PDPN: variants seen among roughly 807,000 people sequenced by gnomAD.
PDPN encodes the protein PA2.26 antigen.
Under a neutral mutation model 23.2 loss-of-function variants are expected in PDPN, and 12 were observed. The observed-to-expected ratio is 0.52, with a 90% confidence interval of 0.33 to 0.84. The LOEUF (loss-of-function observed/expected upper bound fraction) is 0.84, where lower values mean the gene tolerates loss of function less well. Among genes scored for constraint, PDPN ranks in the 40% least tolerant of loss-of-function variants. PDPN has a pLI of 0.02. For synonymous variants in PDPN, 77 were observed against 76.7 expected (o/e 1.00, Z -0.02); for missense variants, 199 against 212.2 (o/e 0.94, Z 0.39).
Position 13,584,026 on chromosome 1 carries a change from C to T in PDPN, c.-8C>T, listed in dbSNP as rs78133275. 8.0e-4 allele frequency: 1,288 copies of T among 1,613,438 alleles called. 12 individuals are homozygous for T. In the African/African-American group the frequency reaches 0.015, roughly 19 times the overall value. The stretch of plus-strand genomic sequence containing the variant: ...GGCCCCCAGGAGAGCAACAACTCAA[C>T]GGGAACGATGTGGAAGGTGTCAGCT... On this transcript the variant is annotated 5_prime_UTR_variant, in exon 1 of 6. In the 5' UTR this introduces an upstream ATG that the reference lacks. Coordinates refer to ENST00000621990, the MANE Select transcript of PDPN (RefSeq NM_006474.5).
chr1:13,594,333 C>T (rs1261032137), intron 1 of PDPN, among the ~76,000 whole-genome samples: 1 of 152,060 alleles, frequency 6.6e-6, no homozygotes, highest in Non-Finnish European at 1.5e-5. Flanking sequence ...GGGGATTTTA[C>T]CTGGGCAATG....
intron 1 of PDPN, among the ~76,000 whole-genome samples, chr1:13,605,748 A>G (rs1640769761): frequency 6.6e-6 from 1 of 151,730 alleles, no homozygotes; most frequent in Non-Finnish European, 1.5e-5. Context: ...TCAGCCTCCC[A>G]AGTAGCTGGG....
intron 5 of PDPN, chr1:13,614,794 TAAG>T (rs878867485): frequency 3.9e-6 from 2 of 512,640 alleles, no homozygotes; most frequent in South Asian, 2.8e-5. Flanking sequence ...CTCTTAAAAA[TAAG>T]AAAGAGCCTC....
Position 13,583,857 on chromosome 1 carries a change from C to T in PDPN, c.-177C>T. 1 of 1,595,558 alleles carries T rather than the reference C, an allele frequency of 6.3e-7. No individual in the cohort carries two copies. Among genetic ancestry groups the T allele is most frequent in the Non-Finnish European group, 8.5e-7 (1 of 1,171,406 alleles). On this transcript the variant is annotated 5_prime_UTR_variant, in exon 1 of 6. Coordinates refer to ENST00000621990, the MANE Select transcript of PDPN (RefSeq NM_006474.5). ...AACTGCAAAGTTTGCTGTCCGGCTG[C>T]CTAGGGTCTGGGAAGCTCGGGCACC... is the stretch of plus-strand genomic sequence containing the variant.
chr1:13,584,113 G>GC lies in PDPN; in HGVS notation c.67+14dup, dbSNP rs560374422. ...CTGGCAGAAGGAGGTAAGACCCAGC[G>GC]CAAGTGGCTTCCTGCCGTCGCTGAT... On this transcript the variant is annotated intron_variant, in intron 1 of 5. Transcript: ENST00000621990. The GC allele has an allele frequency of 1.0e-4, 162 of 1,612,316 alleles. 1 individual carries two copies. The East Asian group carries it at 2.9e-3, about 29-fold the overall frequency.
rs1359954273 is a variant in PDPN at position 13,583,933 on chromosome 1, G to C, written c.-101G>C. On this transcript the variant is annotated 5_prime_UTR_variant, in exon 1 of 6. Transcript: ENST00000621990. ...ACCCCTCCGGCCCCCCCACCGTCGCGCTCCTCCAGGCTGGGCCTGTGGCCG... is the reference window on the plus strand; with the variant it reads ...ACCCCTCCGGCCCCCCCACCGTCGCCCTCCTCCAGGCTGGGCCTGTGGCCG... 1 of 1,613,324 alleles carries C rather than the reference G, an allele frequency of 6.2e-7. No homozygotes were observed.
intron 2 of PDPN, 54 bp downstream of exon 2, chr1:13,607,360 A>G (rs35870640): frequency 0.31 from 448,837 of 1,446,836 alleles, 72,953 homozygotes; most frequent in Admixed American, 0.47. Flanking sequence ...ATCACATGCA[A>G]GGCTATGATG....
chr1:13,589,448 G>A (rs1420870224), intron 1 of PDPN, among the ~76,000 whole-genome samples: 2 of 152,168 alleles, frequency 1.3e-5, no homozygotes, highest in African/African-American at 4.8e-5. Flanking sequence ...ATTCTGAATG[G>A]CTGGTGTTAA....
intron 1 of PDPN, among the ~76,000 whole-genome samples, chr1:13,584,500 C>T (rs1036333347): frequency 6.6e-6 from 1 of 152,206 alleles, no homozygotes; most frequent in Non-Finnish European, 1.5e-5. Context: ...AGAAGCTGGC[C>T]TCGTAGAATC....
In PDPN at chr1:13,613,684, C is replaced by T. The variant is rs776873278; in HGVS notation, c.332-3C>T. 71 of 1,396,296 alleles carry T rather than the reference C, an allele frequency of 5.1e-5. No homozygotes were observed. The Admixed American group carries it at 1.2e-3, about 23-fold the overall frequency. The allele number at this position is 1,396,296 out of a possible 1,614,324, so 86.5% of individuals were successfully genotyped here. On this transcript the variant is annotated splice_polypyrimidine_tract_variant and splice_region_variant and intron_variant, in intron 3 of 5. Transcript: ENST00000621990. The stretch of plus-strand genomic sequence containing the variant: ...CTACATTATTATATCTTTCTATTCA[C>T]AGAGAAAGTGGATGGAGACACACAG...
intron 1 of PDPN, among the ~76,000 whole-genome samples, chr1:13,590,497 C>T (rs1289481906): frequency 1.3e-5 from 2 of 152,178 alleles, no homozygotes; most frequent in Admixed American, 6.5e-5. Context: ...GAAGATGCGA[C>T]TTTATCTTGG....
At chr1:13,583,822 GA>G, upstream of PDPN, 1 of 1,552,470 alleles carries the variant, frequency 6.4e-7, no homozygotes, top group Admixed American at 2.0e-5. Context: ...ACTCCGCTCG[GA>G]AAGTTCTCAA....
intron 2 of PDPN, among the ~76,000 whole-genome samples, chr1:13,608,735 C>T (rs142579901): frequency 3.3e-3 from 496 of 152,236 alleles, no homozygotes; most frequent in African/African-American, 0.011. Flanking sequence ...AAGAGCACAC[C>T]GAACAAAGGC....
chr1:13,615,298 C>CT lies in PDPN; in HGVS notation c.483-598dup, dbSNP rs1261669450. ...TTTCTTTCTCTTTCTTTTTCTTTTTCTTTTTTTTTGAGACAGTCTTGCTCT... is the reference window on the plus strand; with the variant it reads ...TTTCTTTCTCTTTCTTTTTCTTTTTCTTTTTTTTTTGAGACAGTCTTGCTCT... On this transcript the variant is annotated intron_variant, in intron 5 of 5. Coordinates refer to ENST00000621990, the MANE Select transcript of PDPN (RefSeq NM_006474.5). Among the ~76,000 whole-genome samples the CT allele has an allele frequency of 1.3e-4, 10 of 77,334 alleles. No individual in the cohort carries two copies. In the South Asian group the frequency reaches 2.1e-3, roughly 17 times the overall value. The allele number at this position is 77,334 out of a possible 152,430, so 50.7% of individuals were successfully genotyped here.
At chr1:13,601,869 G>A (rs1640649049) in intron 1 of PDPN, among the ~76,000 whole-genome samples, 1 of 152,236 alleles carries the variant, frequency 6.6e-6, no homozygotes, top group Non-Finnish European at 1.5e-5. Flanking sequence ...TGATCTTGAG[G>A]AAGAGTTTGT....
At chr1:13,604,665 G>A (rs1040050270) in intron 1 of PDPN, among the ~76,000 whole-genome samples, 2 of 151,912 alleles carry the variant, frequency 1.3e-5, no homozygotes, top group Admixed American at 6.6e-5. Flanking sequence ...GTAAGTGATT[G>A]TACTAAACCG....
intron 2 of PDPN, 112 bp from the exon 3 acceptor site, chr1:13,610,275 C>A: frequency 1.3e-6 from 1 of 797,140 alleles, no homozygotes; most frequent in East Asian, 2.7e-5. Flanking sequence ...CAATTCATGC[C>A]ATCATATGTT....
chr1:13,595,834 C>T lies in PDPN; in HGVS notation c.68-11339C>T, dbSNP rs760816162. On this transcript the variant is annotated intron_variant, in intron 1 of 5. Transcript: ENST00000621990. ...CCGTCTCTTTCATTACAGGGGAAGG[C>T]GTTTAACAACTCGGGGGTGAAGCCT... The T allele has an allele frequency of 1.5e-5, 19 of 1,277,958 alleles. No homozygotes were observed. In the South Asian group the frequency reaches 2.1e-4, roughly 14 times the overall value. 79.2% of individuals were successfully genotyped at this position (1,277,958 alleles called of 1,614,324 possible). A position where few individuals can be genotyped will look rare whatever the true frequency, so the allele number is the denominator to read the frequency against.
In PDPN at chr1:13,583,958, G is replaced by C. The variant is rs368134560; in HGVS notation, c.-76G>C. The C allele has an allele frequency of 6.2e-7, 1 of 1,613,738 alleles. No individual in the cohort carries two copies. Among genetic ancestry groups the C allele is most frequent in the East Asian group, 2.2e-5 (1 of 44,892 alleles). ...GCTCCTCCAGGCTGGGCCTGTGGCC[G>C]CGGTGCTTTTTAATTTTCCCCCAGC... On this transcript the variant is annotated 5_prime_UTR_variant, in exon 1 of 6. Coordinates refer to ENST00000621990, the MANE Select transcript of PDPN (RefSeq NM_006474.5).
Sources: allele counts gnomAD v4.1 joint callset (sites outside exome capture counted in the v4.1 genomes callset), GRCh38; gene constraint gnomAD v4.1.1; transcripts MANE v1.5; gene names NCBI Gene and HGNC (gene_info 2026-07-23, HGNC 2026-07-21).